IQGAP2: variants seen among roughly 807,000 people sequenced by gnomAD.
The protein encoded by IQGAP2 is ras GTPase-activating-like protein IQGAP2.
Under a neutral mutation model 201.3 loss-of-function variants are expected in IQGAP2, and 173 were observed. The observed-to-expected ratio is 0.86, with a 90% confidence interval of 0.76 to 0.98. IQGAP2 has a LOEUF of 0.98. IQGAP2 is among the 50% of genes least tolerant of loss of function. IQGAP2 has a pLI of 0.00. For synonymous variants in IQGAP2, 675 were observed against 673.9 expected (o/e 1.00, Z -0.03); for missense variants, 1,687 against 1,864.8 (o/e 0.90, Z 1.76).
chr5:76,674,873 G>A (rs1374390960), intron 27 of IQGAP2, among the ~76,000 whole-genome samples, 164 bp downstream of exon 27: 1 of 152,080 alleles, frequency 6.6e-6, no homozygotes, highest in Non-Finnish European at 1.5e-5. Flanking sequence ...GGAAGTGCAG[G>A]CAAGATTGCC....
At position 76,461,499 on chromosome 5, in the gene IQGAP2, C is replaced by G. The variant is rs1481307246; in HGVS notation, c.47-71C>G. ...ATGTTCAGCTGCATATGATTTTTTT[C>G]TGATTGATTGTCTCAGGTGTTTAAT... is the stretch of plus-strand genomic sequence containing the variant. On this transcript the variant is annotated intron_variant, in intron 1 of 35. Transcript: ENST00000274364. 6 of 1,002,558 alleles carry G rather than the reference C, an allele frequency of 6.0e-6. No individual in the cohort carries two copies. In the African/African-American group the frequency reaches 9.7e-5, roughly 16 times the overall value. 62.1% of individuals were successfully genotyped at this position (1,002,558 alleles called of 1,614,324 possible). A position where few individuals can be genotyped will look rare whatever the true frequency, so the allele number is the denominator to read the frequency against.
At chr5:76,650,318 TAATAA>T (rs1752418109) in intron 17 of IQGAP2, among the ~76,000 whole-genome samples, 1 of 152,224 alleles carries the variant, frequency 6.6e-6, no homozygotes, top group Non-Finnish European at 1.5e-5. Flanking sequence ...AGAAGATACA[TAATAA>T]AATGTTAAAT....
At chr5:76,618,431 T>C (rs761888193) in intron 13 of IQGAP2, 1 of 1,614,150 alleles carries the variant, frequency 6.2e-7, no homozygotes, top group South Asian at 1.1e-5. Context: ...GTTTAGTACT[T>C]AAGGAGCTGG....
intron 24 of IQGAP2, among the ~76,000 whole-genome samples, 168 bp from the exon 25 acceptor site, chr5:76,673,281 G>A (rs773254942): frequency 6.6e-6 from 1 of 152,136 alleles, no homozygotes; most frequent in Non-Finnish European, 1.5e-5. Flanking sequence ...GTTGCAGAAG[G>A]TACCCTCTGT....
At chr5:76,416,981 G>A (rs575467044) in intron 1 of IQGAP2, among the ~76,000 whole-genome samples, 5 of 152,018 alleles carry the variant, frequency 3.3e-5, no homozygotes, top group African/African-American at 7.3e-5. Context: ...GGCATGCACC[G>A]CTATGCCCAG....
intron 2 of IQGAP2, among the ~76,000 whole-genome samples, chr5:76,508,203 A>T (rs1757729389): frequency 6.6e-6 from 1 of 150,632 alleles, no homozygotes; most frequent in Non-Finnish European, 1.5e-5. Flanking sequence ...GCATGGTGGC[A>T]CATGACTATA....
chr5:76,660,523 T>C (rs1480570826), intron 21 of IQGAP2, among the ~76,000 whole-genome samples: 1 of 152,244 alleles, frequency 6.6e-6, no homozygotes, highest in Non-Finnish European at 1.5e-5. Context: ...AGGAAATGTC[T>C]TGCCTTTTAA....
chr5:76,686,833 A>G (rs1453142450), intron 30 of IQGAP2, among the ~76,000 whole-genome samples: 1 of 152,106 alleles, frequency 6.6e-6, no homozygotes, highest in Non-Finnish European at 1.5e-5. Context: ...TTGCATGTGG[A>G]TGTCCAGTTG....
At position 76,686,540 on chromosome 5, in the gene IQGAP2, C is replaced by T. The variant is rs546324891; in HGVS notation, c.3905+2623C>T. 6.6e-5 allele frequency among the ~76,000 whole-genome samples: 10 copies of T among 152,050 alleles called. No homozygotes were observed. The South Asian group carries it at 8.3e-4, about 13-fold the overall frequency. ...TTGTTTTTTGTTTGAGACAGCGTCT[C>T]GCTCTGTCGCCCAGGCTGGAGTGCA... On this transcript the variant is annotated intron_variant, in intron 30 of 35. Coordinates refer to ENST00000274364, the MANE Select transcript of IQGAP2 (RefSeq NM_006633.5).
At chr5:76,475,308 A>C (rs918445399) in intron 2 of IQGAP2, among the ~76,000 whole-genome samples, 5 of 152,294 alleles carry the variant, frequency 3.3e-5, no homozygotes, top group African/African-American at 1.2e-4. Context: ...TTCTTTGCAG[A>C]GCCAATAAGC....
intron 12 of IQGAP2, among the ~76,000 whole-genome samples, chr5:76,610,076 C>CTCTCTCTATA (rs1326468006): frequency 5.3e-5 from 1 of 18,700 alleles, no homozygotes; most frequent in African/African-American, 1.8e-4. Context: ...CTCTCTCTCT[C>CTCTCTCTATA]TATATATATA....
chr5:76,668,092 A>T (rs1285103572), intron 22 of IQGAP2, among the ~76,000 whole-genome samples: 2 of 151,892 alleles, frequency 1.3e-5, no homozygotes, highest in Admixed American at 1.3e-4. Flanking sequence ...CATGTTGCCC[A>T]GGCTTGTCTC....
chr5:76,412,442 A>C (rs1333678551), intron 1 of IQGAP2, among the ~76,000 whole-genome samples: 1 of 152,204 alleles, frequency 6.6e-6, no homozygotes, highest in Non-Finnish European at 1.5e-5. Context: ...CTGGGACTAC[A>C]GGTGTGTACC....
At chr5:76,506,222 C>T (rs909343821) in intron 2 of IQGAP2, among the ~76,000 whole-genome samples, 9 of 152,140 alleles carry the variant, frequency 5.9e-5, no homozygotes, top group Admixed American at 1.3e-4. Context: ...GAAAGTAACC[C>T]GAGAGAGCTA....
chr5:76,541,559 G>A (rs1180538774), intron 2 of IQGAP2, among the ~76,000 whole-genome samples: 1 of 152,108 alleles, frequency 6.6e-6, no homozygotes, highest in African/African-American at 2.4e-5. Context: ...ACCTATACTG[G>A]ATCACAAAGT....
chr5:76,472,670 A>G (rs1323451413), intron 2 of IQGAP2, among the ~76,000 whole-genome samples: 1 of 152,154 alleles, frequency 6.6e-6, no homozygotes, highest in African/African-American at 2.4e-5. Flanking sequence ...CTAGCTTTGG[A>G]TGTATGTTGG....
intron 30 of IQGAP2, among the ~76,000 whole-genome samples, chr5:76,686,140 A>C (rs1580818653): frequency 6.6e-6 from 1 of 152,112 alleles, no homozygotes; most frequent in Non-Finnish European, 1.5e-5. Context: ...TCCTTTGTCC[A>C]TTTTAAAATT....
chr5:76,477,977 C>G (rs1222998203), intron 2 of IQGAP2, among the ~76,000 whole-genome samples: 8 of 151,988 alleles, frequency 5.3e-5, no homozygotes, highest in African/African-American at 1.9e-4. Flanking sequence ...TTGTGTTAAG[C>G]TAATGAGTCA....
chr5:76,424,086 AG>A (rs1751870414), intron 1 of IQGAP2, among the ~76,000 whole-genome samples: 1 of 152,314 alleles, frequency 6.6e-6, no homozygotes, highest in African/African-American at 2.4e-5. Flanking sequence ...TCCATAACTC[AG>A]TTAGGAATAT....
Sources: allele counts gnomAD v4.1 joint callset (sites outside exome capture counted in the v4.1 genomes callset), GRCh38; gene constraint gnomAD v4.1.1; transcripts MANE v1.5; gene names NCBI Gene and HGNC (gene_info 2026-07-23, HGNC 2026-07-21).